CTSH: variants seen among roughly 807,000 people sequenced by gnomAD.
CTSH encodes cathepsin H, also known as pro-cathepsin H.
In CTSH, 52 loss-of-function variants were observed where a neutral mutation model predicts 56.3. That is an observed-to-expected ratio of 0.92 (90% CI 0.74 to 1.16). The LOEUF (loss-of-function observed/expected upper bound fraction) is 1.16, where lower values mean the gene tolerates loss of function less well. Among genes scored for constraint, CTSH ranks in the 50% most tolerant of loss-of-function variants. CTSH has a pLI of 0.00. For synonymous variants in CTSH, 174 were observed against 155.7 expected (o/e 1.12, Z -0.88); for missense variants, 406 against 424.5 (o/e 0.96, Z 0.38).
At chr15:78,942,775 G>A (rs897726343) in intron 1 of CTSH, among the ~76,000 whole-genome samples, 8 of 152,144 alleles carry the variant, frequency 5.3e-5, no homozygotes, top group African/African-American at 1.9e-4. Context: ...GTCTGTAAAT[G>A]GATTTCCAGA....
At chr15:78,942,361 C>T (rs2055314204) in intron 1 of CTSH, among the ~76,000 whole-genome samples, 1 of 152,014 alleles carries the variant, frequency 6.6e-6, no homozygotes, top group African/African-American at 2.4e-5. Flanking sequence ...TACAGGTGCC[C>T]ACCACCACGC....
Position 78,921,949 on chromosome 15 carries a change from G to T in CTSH, c.*181C>A, listed in dbSNP as rs2054777866. On this transcript the variant is annotated 3_prime_UTR_variant, in exon 12 of 12. Transcript: ENST00000220166. Reference sequence around the variant, plus strand: ...GGTGATCTTTGCGTCATAGACACGGGTGAGCTCATGGTGGAACTCCTCCTT... The same window carrying T: ...GGTGATCTTTGCGTCATAGACACGGTTGAGCTCATGGTGGAACTCCTCCTT... 1 of 603,940 alleles carries T rather than the reference G, an allele frequency of 1.7e-6. No individual in the cohort carries two copies. The highest frequency in any genetic ancestry group is 2.8e-5 in the East Asian group (1 of 35,902). 37.4% of individuals were successfully genotyped at this position (603,940 alleles called of 1,614,324 possible). A position where few individuals can be genotyped will look rare whatever the true frequency, so the allele number is the denominator to read the frequency against.
intron 10 of CTSH, 83 bp downstream of exon 10, chr15:78,925,251 G>T: frequency 1.1e-6 from 1 of 874,086 alleles, no homozygotes; most frequent in Non-Finnish European, 1.9e-6. Context: ...TGGGCCACGA[G>T]CCCAAGTCCC....
intron 11 of CTSH, 96 bp downstream of exon 11, chr15:78,922,897 G>A: frequency 6.9e-7 from 1 of 1,452,126 alleles, no homozygotes; most frequent in Non-Finnish European, 9.2e-7. Context: ...CAGCTCGTCT[G>A]TGGAAGCCGT....
chr15:78,936,133 C>T (rs1384226997), intron 3 of CTSH, among the ~76,000 whole-genome samples: 1 of 151,790 alleles, frequency 6.6e-6, no homozygotes, highest in African/African-American at 2.4e-5. Flanking sequence ...GGTCTCTACA[C>T]AGCCCCAGCA....
chr15:78,933,082 C>A lies in CTSH; in HGVS notation c.406-624G>T, dbSNP rs540809685. Among the ~76,000 whole-genome samples the A allele has an allele frequency of 4.0e-3, 609 of 152,238 alleles. 3 individuals carry two copies. The highest frequency in any genetic ancestry group is 0.014 in the African/African-American group (586 of 41,512). On this transcript the variant is annotated intron_variant, in intron 5 of 11. Coordinates refer to ENST00000220166, the MANE Select transcript of CTSH (RefSeq NM_004390.5). Reference sequence around the variant, plus strand: ...CCCTGACACCCCAGACTCTGGGGGACCCGCCCCATCCACCCATTTCCCCAC... The same window carrying A: ...CCCTGACACCCCAGACTCTGGGGGAACCGCCCCATCCACCCATTTCCCCAC...
intron 5 of CTSH, 145 bp from the exon 6 acceptor site, chr15:78,932,603 T>G: frequency 1.6e-6 from 1 of 630,324 alleles, no homozygotes; most frequent in Non-Finnish European, 2.8e-6. Context: ...TCCAGATCCA[T>G]TCATTCTGAG....
chr15:78,935,868 C>A, intron 3 of CTSH, 118 bp from the exon 4 acceptor site: 1 of 672,434 alleles, frequency 1.5e-6, no homozygotes, highest in East Asian at 2.7e-5. Context: ...CACTGCAACC[C>A]ATCTCCTTTA....
intron 11 of CTSH, among the ~76,000 whole-genome samples, chr15:78,922,670 C>CAAAG (rs1312809343): frequency 6.6e-6 from 1 of 152,214 alleles, no homozygotes; most frequent in African/African-American, 2.4e-5. Flanking sequence ...TTTGATTTCT[C>CAAAG]AAAGACGGAC....
rs778976930 is a variant in CTSH, at chr15:78,935,786, G to A, written c.230-36C>T. On this transcript the variant is annotated intron_variant, in intron 3 of 11. Transcript: ENST00000220166. ...GAAGGAAAAAACCAAAACAGAAATG[G>A]TTAGTGAATCACTAATGAAGAAACA... 27 of 1,485,872 alleles carry A rather than the reference G, an allele frequency of 1.8e-5. No individual in the cohort carries two copies. In the South Asian group the frequency reaches 2.7e-4, roughly 15 times the overall value. 92.0% of individuals were successfully genotyped at this position (1,485,872 alleles called of 1,614,324 possible).
At chr15:78,943,289 C>G (rs1383796946) in intron 1 of CTSH, among the ~76,000 whole-genome samples, 1 of 152,172 alleles carries the variant, frequency 6.6e-6, no homozygotes, top group African/African-American at 2.4e-5. Flanking sequence ...GAGTCTTACT[C>G]TGTCACCCAG....
At chr15:78,928,221 T>C (rs1445471986) in intron 8 of CTSH, among the ~76,000 whole-genome samples, 1 of 148,432 alleles carries the variant, frequency 6.7e-6, no homozygotes. Context: ...AGAGGGAGGG[T>C]AGGACCTGGC....
Position 78,941,067 on chromosome 15 carries a change from A to T in CTSH, c.92-1896T>A, listed in dbSNP as rs138691050. Among the ~76,000 whole-genome samples, 142 of 152,332 alleles carry T rather than the reference A, an allele frequency of 9.3e-4. No homozygotes were observed. In the East Asian group the frequency reaches 0.022, roughly 23 times the overall value. On this transcript the variant is annotated intron_variant, in intron 1 of 11. Coordinates refer to ENST00000220166, the MANE Select transcript of CTSH (RefSeq NM_004390.5). ...TGGCAGAATTTTATCCTAAGGGAAC[A>T]TACATTTTTATGCTTGATCACCTTC...
chr15:78,927,818 G>T, intron 8 of CTSH, 37 bp from the exon 9 acceptor site: 1 of 1,578,658 alleles, frequency 6.3e-7, no homozygotes, highest in Non-Finnish European at 8.7e-7. Flanking sequence ...TACAGGTTAT[G>T]GACCCGAAGT....
intron 5 of CTSH, among the ~76,000 whole-genome samples, chr15:78,934,352 C>A (rs888654444): frequency 1.3e-5 from 2 of 152,214 alleles, no homozygotes; most frequent in African/African-American, 4.8e-5. Context: ...ACGGCAGGTT[C>A]CCTGCTAGGG....
intron 1 of CTSH, among the ~76,000 whole-genome samples, chr15:78,941,478 TAC>T (rs2055291166): frequency 2.7e-5 from 3 of 112,598 alleles, no homozygotes; most frequent in Non-Finnish European, 5.5e-5. Context: ...CTGTGACCCA[TAC>T]ATCTGTGAAT....
intron 5 of CTSH, among the ~76,000 whole-genome samples, chr15:78,933,777 A>G (rs1450428661): frequency 3.9e-5 from 6 of 152,218 alleles, no homozygotes; most frequent in Non-Finnish European, 7.3e-5. Flanking sequence ...CTCCCTCTGT[A>G]AAGTGAGAAA....
chr15:78,935,100 AT>A lies in CTSH; in HGVS notation c.301-19del. On this transcript the variant is annotated intron_variant, in intron 4 of 11. Transcript: ENST00000220166. The stretch of plus-strand genomic sequence containing the variant: ...GAGCAATTCTGGAACAACCAAACAC[AT>A]TATTTTCAGGAAAATAAACAAAACC... 1 of 1,552,878 alleles carries A rather than the reference AT, an allele frequency of 6.4e-7. No individual in the cohort carries two copies. The highest frequency in any genetic ancestry group is 8.9e-7 in the Non-Finnish European group (1 of 1,126,192).
chr15:78,937,767 C>T lies in CTSH; in HGVS notation c.124-344G>A, dbSNP rs567594015. ...CAAAGATCACCATTTTTCAAAAGCA[C>T]ATGCACTGGTGTTCCCCAACTGATT... is the stretch of plus-strand genomic sequence containing the variant. On this transcript the variant is annotated intron_variant, in intron 2 of 11. Transcript: ENST00000220166. The T allele has an allele frequency of 6.1e-6, 8 of 1,313,236 alleles. No homozygotes were observed. In the East Asian group the frequency reaches 3.6e-4, roughly 59 times the overall value. The allele number at this position is 1,313,236 out of a possible 1,614,324, so 81.3% of individuals were successfully genotyped here. A position where few individuals can be genotyped will look rare whatever the true frequency, so the allele number is the denominator to read the frequency against.
Sources: allele counts gnomAD v4.1 joint callset (sites outside exome capture counted in the v4.1 genomes callset), GRCh38; gene constraint gnomAD v4.1.1; transcripts MANE v1.5; gene names NCBI Gene and HGNC (gene_info 2026-07-23, HGNC 2026-07-21).